THSD7B: variants seen among roughly 807,000 people sequenced by gnomAD.
The protein encoded by THSD7B is thrombospondin type 1 domain containing 7B, also known as thrombospondin type-1 domain-containing protein 7B.
A neutral mutation model predicts 213.6 loss-of-function variants in THSD7B; 138 were observed. The observed-to-expected ratio is 0.65, with a 90% confidence interval of 0.56 to 0.74. The LOEUF is 0.74. THSD7B is among the 30% of genes least tolerant of loss of function. The pLI is 0.00. For synonymous variants in THSD7B, 742 were observed against 687.0 expected (o/e 1.08, Z -1.25); for missense variants, 1,931 against 1,991.5 (o/e 0.97, Z 0.58).
At chr2:137,129,114 A>C (rs1390377517) in intron 5 of THSD7B, among the ~76,000 whole-genome samples, 2 of 152,092 alleles carry the variant, frequency 1.3e-5, no homozygotes, top group Non-Finnish European at 2.9e-5. Context: ...GAACCTTGAA[A>C]ATCTGTAACC....
intron 21 of THSD7B, among the ~76,000 whole-genome samples, chr2:137,648,573 G>T (rs900212705): frequency 1.3e-5 from 2 of 152,062 alleles, no homozygotes; most frequent in African/African-American, 2.4e-5. Context: ...CCTTATGGTT[G>T]AGTAATAGTC....
intron 1 of THSD7B, among the ~76,000 whole-genome samples, chr2:136,834,495 A>G (rs912849703): frequency 3.9e-5 from 6 of 152,060 alleles, no homozygotes; most frequent in Non-Finnish European, 5.9e-5. Flanking sequence ...TTTTGTTACT[A>G]CTGTTGTTTC....
rs183297199 is a variant in THSD7B at position 137,306,937 on chromosome 2, A to T, written c.2500+30911A>T. Among the ~76,000 whole-genome samples, 530 of 151,974 alleles carry T rather than the reference A, an allele frequency of 3.5e-3. 4 individuals carry two copies. The highest frequency in any genetic ancestry group is 0.012 in the African/African-American group (505 of 41,518). Reference sequence around the variant, plus strand: ...ACAATATTTCAGGCAAGAACCTGTTAAAAAAAATGCTCTTTGAGAACAGAA... The same window carrying T: ...ACAATATTTCAGGCAAGAACCTGTTTAAAAAAATGCTCTTTGAGAACAGAA... On this transcript the variant is annotated intron_variant, in intron 12 of 27. Transcript: ENST00000409968.
At position 137,094,891 on chromosome 2, in the gene THSD7B, C is replaced by A. The variant is rs777597127; in HGVS notation, c.969C>A (p.Ser323=). 25 of 1,612,316 alleles carry A rather than the reference C, an allele frequency of 1.6e-5. No homozygotes were observed. In the South Asian group the frequency reaches 2.8e-4, roughly 18 times the overall value. ...NAMLSLCLQD[S]FPLTVQSCIM... is the part of the protein sequence containing the mutation. ...TTTTCAGCCTTTGCCTTCAAGATTC[C>A]TTCCCATTGACTGTTCAGTCCTGCA... The change falls in exon 4 of 28, where the codon TCC becomes TCA. Residue 323 remains serine (S), a synonymous_variant. Coordinates refer to ENST00000409968, the MANE Select transcript of THSD7B (RefSeq NM_001316349.2).
intron 12 of THSD7B, among the ~76,000 whole-genome samples, chr2:137,371,224 G>A (rs1407622709): frequency 6.6e-6 from 1 of 151,952 alleles, no homozygotes; most frequent in African/African-American, 2.4e-5. Flanking sequence ...CTCTTCCTTG[G>A]TCTTCTCTCT....
chr2:137,298,359 T>G (rs1206728673), intron 12 of THSD7B, among the ~76,000 whole-genome samples: 6 of 152,252 alleles, frequency 3.9e-5, no homozygotes, highest in Non-Finnish European at 5.9e-5. Flanking sequence ...AAAAGCATTC[T>G]GTTTTAAAAG....
At chr2:137,554,816 A>G (rs1387374441) in intron 15 of THSD7B, among the ~76,000 whole-genome samples, 1 of 152,224 alleles carries the variant, frequency 6.6e-6, no homozygotes, top group Non-Finnish European at 1.5e-5. Context: ...AATCTGTGAC[A>G]GAAGGCACTT....
rs1430155537 is a variant in THSD7B at position 137,618,469 on chromosome 2, A to T, written c.3643A>T (p.Ser1215Cys). The T allele has an allele frequency of 1.2e-6, 2 of 1,613,768 alleles. No individual in the cohort carries two copies. The highest frequency in any genetic ancestry group is 1.7e-6 in the Non-Finnish European group (2 of 1,179,864). Residue 1215 changes from serine (S) to cysteine (C), a missense_variant, in exon 19 of 28, where the codon AGT becomes TGT. By Grantham distance (112) the Ser-to-Cys change is moderately radical. Transcript: ENST00000409968. ...VRTRLLSCVC[S>C]DGKPVSMDQC... ...GACCCGCCTGCTAAGCTGTGTGTGC[A>T]GTGATGGCAAGCCAGTCAGCATGGA...
chr2:137,351,555 T>A (rs778574459), intron 12 of THSD7B, among the ~76,000 whole-genome samples: 1 of 151,908 alleles, frequency 6.6e-6, no homozygotes, highest in Non-Finnish European at 1.5e-5. Context: ...AGAGGTCTGA[T>A]AAAATGAAGC....
At chr2:136,877,818 G>A (rs1345521069) in intron 1 of THSD7B, among the ~76,000 whole-genome samples, 2 of 152,110 alleles carry the variant, frequency 1.3e-5, no homozygotes, top group African/African-American at 4.8e-5. Context: ...GCAGGGCAAT[G>A]TCTTTTCCTG....
At chr2:137,399,641 C>A (rs1028732359) in intron 12 of THSD7B, among the ~76,000 whole-genome samples, 1 of 152,088 alleles carries the variant, frequency 6.6e-6, no homozygotes, top group African/African-American at 2.4e-5. Context: ...TTCTTTTTGA[C>A]TTTAGACAGT....
chr2:136,964,082 CTTTGAA>C (rs1328940054), intron 2 of THSD7B, among the ~76,000 whole-genome samples: 1 of 152,192 alleles, frequency 6.6e-6, no homozygotes, highest in Non-Finnish European at 1.5e-5. Context: ...AATATTTTCA[CTTTGAA>C]TTTGATACCA....
At chr2:137,141,962 AC>A (rs767600656) in intron 5 of THSD7B, among the ~76,000 whole-genome samples, 1 of 152,150 alleles carries the variant, frequency 6.6e-6, no homozygotes, top group Non-Finnish European at 1.5e-5. Flanking sequence ...TTTAACTATT[AC>A]TAAAAACTTC....
At chr2:137,308,282 G>C (rs1045526580) in intron 12 of THSD7B, among the ~76,000 whole-genome samples, 5 of 152,116 alleles carry the variant, frequency 3.3e-5, no homozygotes, top group African/African-American at 1.2e-4. Flanking sequence ...GGCCTGTTCA[G>C]TGTGTGATGA....
In THSD7B at chr2:137,405,794, G is replaced by A. The variant is rs1300645524; in HGVS notation, c.2682G>A (p.Arg894=). The change falls in exon 13 of 28, where the codon CGG becomes CGA. Residue 894 remains arginine, a synonymous_variant. Transcript: ENST00000409968. ...ACTGTGAAGCCACAAAAAGTAGGCG[G>A]CGACAGCTCACAGGTATAGTGTGCA... is the stretch of plus-strand genomic sequence containing the variant. The part of the protein sequence containing the change: ...STNCEATKSR[R]RQLTGKSRKK... The A allele has an allele frequency of 6.2e-7, 1 of 1,611,724 alleles. No individual in the cohort carries two copies. Among genetic ancestry groups the A allele is most frequent in the South Asian group, 1.1e-5 (1 of 90,724 alleles).
intron 20 of THSD7B, among the ~76,000 whole-genome samples, chr2:137,628,425 A>G (rs934191886): frequency 1.3e-5 from 2 of 152,220 alleles, no homozygotes; most frequent in African/African-American, 4.8e-5. Context: ...CTTAGAATTC[A>G]GCACTGGGGG....
chr2:137,356,958 A>C (rs1296235168), intron 12 of THSD7B, among the ~76,000 whole-genome samples: 16 of 93,538 alleles, frequency 1.7e-4, no homozygotes, highest in Non-Finnish European at 6.7e-5. Flanking sequence ...ACACACACAC[A>C]CACACACAGA....
chr2:137,252,717 G>A (rs539856804), intron 10 of THSD7B, among the ~76,000 whole-genome samples: 1 of 152,288 alleles, frequency 6.6e-6, no homozygotes, highest in South Asian at 2.1e-4. Context: ...AGGTGGCAGA[G>A]AATGATGCAG....
At position 136,863,841 on chromosome 2, in the gene THSD7B, C is replaced by T. The variant is rs140643959; in HGVS notation, c.-35-18303C>T. ...CCTCTTACAAGGGACAAATCATTTA[C>T]GTTTATTTTACTTTTCGTGATAAAA... On this transcript the variant is annotated intron_variant, in intron 1 of 27. Coordinates refer to ENST00000409968, the MANE Select transcript of THSD7B (RefSeq NM_001316349.2). Among the ~76,000 whole-genome samples the T allele has an allele frequency of 3.9e-3, 594 of 152,192 alleles. 3 individuals carry two copies. The highest frequency in any genetic ancestry group is 0.013 in the African/African-American group (549 of 41,548).
Sources: gnomAD v4.1 joint callset for allele counts (sites outside exome capture counted in the v4.1 genomes callset) on GRCh38, gnomAD v4.1.1 for gene constraint, MANE v1.5 for transcripts, NCBI Gene and HGNC (gene_info 2026-07-23, HGNC 2026-07-21) for gene names.